Variants in KSR2 observed in about 807,000 individuals in gnomAD.
The protein encoded by KSR2 is kinase suppressor of ras 2.
KSR2 carries 25 observed loss-of-function variants against 107.8 expected under a neutral mutation model. The ratio of observed to expected loss-of-function variants is 0.23; its 90% CI spans 0.17 to 0.32. The LOEUF is 0.32. Ranked by LOEUF, KSR2 falls within the 10% of genes least tolerant of loss-of-function variation. The pLI, the probability that KSR2 is intolerant of heterozygous loss-of-function variation, is 1.00. For synonymous variants in KSR2, 480 were observed against 507.0 expected, an observed-to-expected ratio of 0.95 and a Z score of 0.71; for missense variants, 887 against 1,268.9, an observed-to-expected ratio of 0.70 and a Z score of 4.57.
chr12:117,491,158 G>A (rs1872723891), intron 14 of KSR2, among the ~76,000 whole-genome samples: 1 of 152,074 alleles, frequency 6.6e-6, no homozygotes. Context: ...ATATAAGTGA[G>A]ATCATGTGGT....
chr12:117,749,087 G>A (rs962490001), intron 4 of KSR2, among the ~76,000 whole-genome samples: 2 of 137,764 alleles, frequency 1.5e-5, no homozygotes, highest in Admixed American at 7.4e-5. Context: ...ATTTCCAGCC[G>A]GCCCTGCACT....
intron 1 of KSR2, among the ~76,000 whole-genome samples, chr12:117,888,218 C>T (rs1182517898): frequency 6.6e-6 from 1 of 152,140 alleles, no homozygotes; most frequent in Non-Finnish European, 1.5e-5. Flanking sequence ...CTCTTGGAGG[C>T]CAGATTCAAC....
intron 14 of KSR2, among the ~76,000 whole-genome samples, chr12:117,504,928 G>A (rs753857431): frequency 1.2e-4 from 19 of 152,060 alleles, no homozygotes; most frequent in Non-Finnish European, 2.4e-4. Flanking sequence ...TCCCCATTCC[G>A]AGTCTCCAAA....
chr12:117,768,061 A>AGTCCC (rs1195257984), intron 3 of KSR2, among the ~76,000 whole-genome samples: 1 of 152,166 alleles, frequency 6.6e-6, no homozygotes, highest in Non-Finnish European at 1.5e-5. Context: ...TTTAGACCCT[A>AGTCCC]GTCCCGTGGT....
intron 4 of KSR2, among the ~76,000 whole-genome samples, chr12:117,673,549 G>A (rs1885000263): frequency 6.6e-6 from 1 of 152,110 alleles, no homozygotes; most frequent in Non-Finnish European, 1.5e-5. Context: ...AAAAGAAAAC[G>A]AGAGAATACA....
chr12:117,682,389 C>A (rs1436617270), intron 4 of KSR2, among the ~76,000 whole-genome samples: 1 of 152,066 alleles, frequency 6.6e-6, no homozygotes, highest in Non-Finnish European at 1.5e-5. Flanking sequence ...TGTGACAAAC[C>A]TGCATGTCCT....
intron 1 of KSR2, among the ~76,000 whole-genome samples, chr12:117,880,560 A>G (rs1893992970): frequency 6.6e-6 from 1 of 152,112 alleles, no homozygotes; most frequent in Admixed American, 6.6e-5. Flanking sequence ...GTTATGAGGC[A>G]GACCTGGGCT....
rs1890515376 is a variant in KSR2, at chr12:117,794,434, TCACACCAACATGCACACA to T, written c.473-32928_473-32911del. On this transcript the variant is annotated intron_variant, in intron 3 of 19. Transcript: ENST00000339824. ...ACACATGCACATACAACATGCACACTCACACCAACATGCACACACACCAACATGCACACTCACACCAAC... is the reference window on the plus strand; with the variant it reads ...ACACATGCACATACAACATGCACACTCACCAACATGCACACTCACACCAAC... Among the ~76,000 whole-genome samples, 2 of 28,498 alleles carry T rather than the reference TCACACCAACATGCACACA, an allele frequency of 7.0e-5. 1 individual carries two copies. Among genetic ancestry groups the T allele is most frequent in the Admixed American group, 1.0e-3 (2 of 1,944 alleles). The allele number at this position is 28,498 out of a possible 152,430, so 18.7% of individuals were successfully genotyped here.
chr12:117,765,041 G>A, intron 3 of KSR2, among the ~76,000 whole-genome samples: 1 of 152,182 alleles, frequency 6.6e-6, no homozygotes, highest in South Asian at 2.1e-4. Context: ...GTGTGTAGTG[G>A]TTCTGACAGC....
chr12:117,712,308 CAAG>C (rs2136658384), intron 4 of KSR2, among the ~76,000 whole-genome samples: 1 of 152,242 alleles, frequency 6.6e-6, no homozygotes, highest in South Asian at 2.1e-4. Context: ...AAAATCTTCC[CAAG>C]AAGGGATGAA....
At chr12:117,869,872 C>T (rs944992548) in intron 1 of KSR2, among the ~76,000 whole-genome samples, 1 of 152,234 alleles carries the variant, frequency 6.6e-6, no homozygotes, top group African/African-American at 2.4e-5. Context: ...GTATGCCTGG[C>T]ATCGCAAGCC....
chr12:117,511,050 G>A (rs1158646790), intron 14 of KSR2, among the ~76,000 whole-genome samples: 4 of 152,122 alleles, frequency 2.6e-5, no homozygotes, highest in Admixed American at 6.5e-5. Flanking sequence ...TCCATTGAAC[G>A]GATGCAGAAA....
intron 7 of KSR2, among the ~76,000 whole-genome samples, chr12:117,567,502 G>A (rs1878580881): frequency 6.6e-6 from 1 of 152,052 alleles, no homozygotes; most frequent in African/African-American, 2.4e-5. Flanking sequence ...ATTTTAAACA[G>A]GGAGGGGAAT....
intron 19 of KSR2, among the ~76,000 whole-genome samples, chr12:117,468,914 G>A (rs1271118160): frequency 6.6e-6 from 1 of 152,192 alleles, no homozygotes; most frequent in Non-Finnish European, 1.5e-5. Flanking sequence ...GTGTCTGCAT[G>A]AGTGTGAGTA....
intron 4 of KSR2, among the ~76,000 whole-genome samples, chr12:117,754,848 A>G (rs1343657077): frequency 1.3e-5 from 2 of 152,134 alleles, no homozygotes; most frequent in African/African-American, 4.8e-5. Context: ...CCAACCCAAG[A>G]CCTCCTTTGG....
intron 5 of KSR2, among the ~76,000 whole-genome samples, chr12:117,656,941 G>GATATATATATATATATATATATAT (rs71099068): frequency 9.8e-6 from 1 of 102,506 alleles, no homozygotes; most frequent in Non-Finnish European, 1.8e-5. Context: ...TATATAATAG[G>GATATATATATATATATATATATAT]ATATATATAT....
intron 1 of KSR2, among the ~76,000 whole-genome samples, chr12:117,936,511 TTTATTATTATTATTATTA>T (rs145675167): frequency 2.9e-4 from 40 of 139,812 alleles, no homozygotes; most frequent in East Asian, 4.2e-4. Flanking sequence ...TTATTATTAT[TTTATTATTATTATTATTA>T]TTATTAGTAG....
chr12:117,517,391 C>T (rs1266662893), intron 14 of KSR2, among the ~76,000 whole-genome samples: 2 of 152,162 alleles, frequency 1.3e-5, no homozygotes, highest in Non-Finnish European at 2.9e-5. Context: ...CTTCTTTCTG[C>T]TGATCTGCAT....
At chr12:117,826,933 A>G (rs1383383229) in intron 3 of KSR2, among the ~76,000 whole-genome samples, 1 of 151,736 alleles carries the variant, frequency 6.6e-6, no homozygotes, top group Non-Finnish European at 1.5e-5. Flanking sequence ...AAAAATACAA[A>G]AAAATTAGCC....
Sources: allele counts gnomAD v4.1 joint callset (sites outside exome capture counted in the v4.1 genomes callset), GRCh38; gene constraint gnomAD v4.1.1; transcripts MANE v1.5; gene names NCBI Gene and HGNC (gene_info 2026-07-23, HGNC 2026-07-21).